The following TCFL5 variants were observed in gnomAD, a reference collection of about 807,000 sequenced individuals.
TCFL5 encodes transcription factor-like 5 protein.
In TCFL5, 9 loss-of-function variants were observed where a neutral mutation model predicts 44.3. The observed-to-expected ratio is 0.20, with a 90% CI of 0.12 to 0.35. The LOEUF is 0.35. Among genes scored for constraint, TCFL5 ranks in the 10% least tolerant of loss-of-function variants. The pLI is 1.00. For synonymous variants in TCFL5, 319 were observed against 271.6 expected (o/e 1.17, Z -1.72); for missense variants, 603 against 613.4 (o/e 0.98, Z 0.18).
chr20:62,843,285 G>T (rs1020916803), intron 5 of TCFL5, among the ~76,000 whole-genome samples: 1 of 152,196 alleles, frequency 6.6e-6, no homozygotes, highest in African/African-American at 2.4e-5. Context: ...GCTCAGATTC[G>T]GGAAGGAGAC....
chr20:62,861,190 C>A lies in TCFL5; in HGVS notation c.481G>T (p.Gly161Cys). Residue 161 changes from glycine (G) to cysteine (C), a missense_variant, in exon 1 of 6, where the codon GGC becomes TGC. Transcript: ENST00000335351. The surrounding 1 kb of genome is among the most constrained non-coding windows in gnomAD (Gnocchi z 4.0). ...RARADGAAKEGAGAAAAAAGP... is the reference protein window; with the variant it reads ...RARADGAAKECAGAAAAAAGP... Reference sequence around the variant, plus strand: ...GCCGCAGCCGCAGCCGCGCCCGCGCCCTCCTTGGCGGCGCCGTCGGCCCGG... The same window carrying A: ...GCCGCAGCCGCAGCCGCGCCCGCGCACTCCTTGGCGGCGCCGTCGGCCCGG... The A allele has an allele frequency of 9.6e-7, 1 of 1,038,004 alleles. No individual in the cohort carries two copies. The highest frequency in any genetic ancestry group is 4.1e-5 in the South Asian group (1 of 24,642). 64.3% of individuals were successfully genotyped at this position (1,038,004 alleles called of 1,614,324 possible). A position where few individuals can be genotyped will look rare whatever the true frequency, so the allele number is the denominator to read the frequency against.
rs2147310107 is a variant in TCFL5, at chr20:62,861,657, C to G, written c.14G>C (p.Gly5Ala). 1.1e-6 allele frequency: 1 copy of G among 885,210 alleles called. No homozygotes were observed. Among genetic ancestry groups the G allele is most frequent in the African/African-American group, 1.8e-5 (1 of 54,832 alleles). The allele number at this position is 885,210 out of a possible 1,614,324, so 54.8% of individuals were successfully genotyped here. A position where few individuals can be genotyped will look rare whatever the true frequency, so the allele number is the denominator to read the frequency against. Residue 5 changes from glycine (G) to alanine (A), a missense_variant, in exon 1 of 6, where the codon GGA becomes GCA. By Grantham distance (60) the Gly-to-Ala change is moderately conservative (BLOSUM62 0). Around this residue, in one of 4 missense-constraint regions of TCFL5, gnomAD observed 540 missense variants for 478.7 expected, o/e 1.13. Coordinates refer to ENST00000335351, the MANE Select transcript of TCFL5 (RefSeq NM_006602.4). This position sits in a 1 kb window ranked among gnomAD's most constrained non-coding sequence, Gnocchi z 4.0. ...TGCCTCCGGCGGCGGCTCCCGCGGT[C>G]CGGGGCCCGACATGGCGGCGCGGCG... Reference protein sequence around the residue: MSGPGPREPPPEAGA... With the variant: MSGPAPREPPPEAGA...
chr20:62,859,705 ATTTT>A (rs1352378535), intron 2 of TCFL5, among the ~76,000 whole-genome samples, 179 bp from the exon 3 acceptor site: 1 of 151,426 alleles, frequency 6.6e-6, no homozygotes, highest in Non-Finnish European at 1.5e-5. Context: ...TTTCACAGGT[ATTTT>A]TTTGTTTTTG....
At chr20:62,848,178 T>A (rs2147255226) in intron 5 of TCFL5, among the ~76,000 whole-genome samples, 2 of 152,232 alleles carry the variant, frequency 1.3e-5, no homozygotes, top group East Asian at 3.9e-4. Flanking sequence ...CTGATGCAGA[T>A]GGCAGGGAGA....
chr20:62,861,284 C>A lies in TCFL5; in HGVS notation c.387G>T (p.Leu129=). 8.2e-7 allele frequency: 1 copy of A among 1,217,332 alleles called. No individual in the cohort carries two copies. The highest frequency in any genetic ancestry group is 1.0e-6 in the Non-Finnish European group (1 of 959,178). The allele number at this position is 1,217,332 out of a possible 1,614,324, so 75.4% of individuals were successfully genotyped here. A position where few individuals can be genotyped will look rare whatever the true frequency, so the allele number is the denominator to read the frequency against. The part of the protein sequence containing the change: ...PCLGHIDFQE[L]RMMLLSEAGA... ...CCGCCTCGCTTAGCAGCATCATGCG[C>A]AGCTCCTGGAAGTCGATGTGGCCCA... The change falls in exon 1 of 6, where the codon CTG becomes CTT. Residue 129 remains leucine, a synonymous_variant. Transcript: ENST00000335351. The surrounding 1 kb of genome is among the most constrained non-coding windows in gnomAD (Gnocchi z 4.0).
chr20:62,845,913 G>C, intron 5 of TCFL5: 1 of 1,517,774 alleles, frequency 6.6e-7, no homozygotes. Flanking sequence ...TAAATGCTAA[G>C]GAAGCCTTCA....
At chr20:62,845,916 A>G (rs1473179484) in intron 5 of TCFL5, 1 of 1,513,088 alleles carries the variant, frequency 6.6e-7, no homozygotes, top group African/African-American at 1.4e-5. Flanking sequence ...ATGCTAAGGA[A>G]GCCTTCAGGA....
At position 62,842,648 on chromosome 20, in the gene TCFL5, AGCTACTTGGGAGGCTG is replaced by A. The variant is rs764961929; in HGVS notation, c.1381-567_1381-552del. Among the ~76,000 whole-genome samples, 1 of 152,208 alleles carries A rather than the reference AGCTACTTGGGAGGCTG, an allele frequency of 6.6e-6. No individual in the cohort carries two copies. Among genetic ancestry groups the A allele is most frequent in the Non-Finnish European group, 1.5e-5 (1 of 68,040 alleles). On this transcript the variant is annotated intron_variant, in intron 5 of 5. Transcript: ENST00000335351. The surrounding 1 kb of genome is among the most constrained non-coding windows in gnomAD (Gnocchi z 4.3). Reference sequence around the variant, plus strand: ...GTGGTGGCAAGCATCTTGTGACCCCAGCTACTTGGGAGGCTGAGGCAGGACAATCTCTTGAGCCTGG... The same window carrying A: ...GTGGTGGCAAGCATCTTGTGACCCCAAGGCAGGACAATCTCTTGAGCCTGG...
In TCFL5 at chr20:62,861,196, T is replaced by C; in HGVS notation, c.475A>G (p.Lys159Glu). Reference sequence around the variant, plus strand: ...GCCGCAGCCGCGCCCGCGCCCTCCTTGGCGGCGCCGTCGGCCCGGGCCCTC... The same window carrying C: ...GCCGCAGCCGCGCCCGCGCCCTCCTCGGCGGCGCCGTCGGCCCGGGCCCTC... ...GARARADGAA[K>E]EGAGAAAAAA... The change falls in exon 1 of 6, where the codon AAG becomes GAG. Residue 159 changes from lysine (K) to glutamate (E), a missense_variant. Coordinates refer to ENST00000335351, the MANE Select transcript of TCFL5 (RefSeq NM_006602.4). The surrounding 1 kb of genome is among the most constrained non-coding windows in gnomAD (Gnocchi z 4.0). The C allele has an allele frequency of 9.6e-7, 1 of 1,045,008 alleles. No homozygotes were observed. Among genetic ancestry groups the C allele is most frequent in the Non-Finnish European group, 1.1e-6 (1 of 873,482 alleles). 64.7% of individuals were successfully genotyped at this position (1,045,008 alleles called of 1,614,324 possible). A position where few individuals can be genotyped will look rare whatever the true frequency, so the allele number is the denominator to read the frequency against.
At chr20:62,848,296 C>T (rs910809011) in intron 5 of TCFL5, among the ~76,000 whole-genome samples, 1 of 152,242 alleles carries the variant, frequency 6.6e-6, no homozygotes, top group Admixed American at 6.5e-5. Flanking sequence ...CGTGCAGGGG[C>T]ATCTCACAAC....
intron 5 of TCFL5, among the ~76,000 whole-genome samples, chr20:62,843,331 G>C (rs1031599358): frequency 1.3e-5 from 2 of 152,214 alleles, no homozygotes; most frequent in African/African-American, 4.8e-5. Context: ...CTTTCAGGAA[G>C]GAGACTGATA....
intron 5 of TCFL5, chr20:62,851,709 G>A (rs1184207949): frequency 1.0e-6 from 1 of 985,386 alleles, no homozygotes; most frequent in Non-Finnish European, 1.2e-6. Flanking sequence ...ACAGAAAAGG[G>A]ACAGAGACAA....
Position 62,861,076 on chromosome 20 carries a change from G to A in TCFL5, c.595C>T (p.Pro199Ser), listed in dbSNP as rs1433741387. Residue 199 changes from proline (P) to serine (S), a missense_variant, in exon 1 of 6, where the codon CCG becomes TCG. Transcript: ENST00000335351. This position sits in a 1 kb window ranked among gnomAD's most constrained non-coding sequence, Gnocchi z 4.0. ...DRFNSIPAEP[P>S]PAPRGPEPPE... ...GGCTCGGGGCCGCGCGGCGCGGGCG[G>A]CGGCTCGGCGGGGATGCTGTTGAAG... The A allele has an allele frequency of 5.0e-6, 5 of 996,200 alleles. No individual in the cohort carries two copies. The South Asian group carries it at 1.8e-4, about 36-fold the overall frequency. 61.7% of individuals were successfully genotyped at this position (996,200 alleles called of 1,614,324 possible).
chr20:62,848,761 G>A (rs1394186543), intron 5 of TCFL5, among the ~76,000 whole-genome samples: 1 of 152,120 alleles, frequency 6.6e-6, no homozygotes, highest in Non-Finnish European at 1.5e-5. Context: ...CACTGGGCCG[G>A]GTGTGGTGGC....
intron 5 of TCFL5, among the ~76,000 whole-genome samples, chr20:62,843,297 CAG>C (rs2063700338): frequency 6.6e-6 from 1 of 152,132 alleles, no homozygotes; most frequent in South Asian, 2.1e-4. Flanking sequence ...GAAGGAGACT[CAG>C]GTGGGTAATA....
chr20:62,853,513 T>C (rs28471061), intron 5 of TCFL5, among the ~76,000 whole-genome samples: 39,840 of 151,542 alleles, frequency 0.26, 5,341 homozygotes, highest in Middle Eastern at 0.32. Flanking sequence ...CCACACCAGG[T>C]TAATTTTTGT....
chr20:62,842,207 CG>C lies in TCFL5; in HGVS notation c.1381-111del. ...GAGCTAAGTAAATGACTTTAGAATA[CG>C]CTGTTTTAAGGTGTCATTCACAAAC... On this transcript the variant is annotated intron_variant, in intron 5 of 5. Transcript: ENST00000335351. This position sits in a 1 kb window ranked among gnomAD's most constrained non-coding sequence, Gnocchi z 4.3. 2 of 1,405,498 alleles carry C rather than the reference CG, an allele frequency of 1.4e-6. No homozygotes were observed. The highest frequency in any genetic ancestry group is 1.4e-5 in the South Asian group (1 of 73,320). The allele number at this position is 1,405,498 out of a possible 1,614,324, so 87.1% of individuals were successfully genotyped here.
intron 5 of TCFL5, among the ~76,000 whole-genome samples, chr20:62,850,565 GCCA>G (rs1568781654): frequency 6.6e-6 from 1 of 152,164 alleles, no homozygotes; most frequent in African/African-American, 2.4e-5. Flanking sequence ...CGCCCGGCAA[GCCA>G]CATCTTCCAG....
chr20:62,856,913 A>G (rs1323404564), intron 4 of TCFL5, among the ~76,000 whole-genome samples: 1 of 152,172 alleles, frequency 6.6e-6, no homozygotes, highest in African/African-American at 2.4e-5. Flanking sequence ...GACACTGAAC[A>G]ACTGCTTTCC....
Sources: allele counts gnomAD v4.1 joint callset (sites outside exome capture counted in the v4.1 genomes callset), GRCh38; gene constraint gnomAD v4.1.1; regional missense constraint gnomAD v4.1.1; non-coding constraint Gnocchi (gnomAD v3.1); transcripts MANE v1.5; gene names NCBI Gene and HGNC (gene_info 2026-07-23, HGNC 2026-07-21).